CAPN1: variants seen among roughly 807,000 people sequenced by gnomAD.
CAPN1 encodes calpain 1, also known as calpain-1 catalytic subunit.
A neutral mutation model predicts 105.2 loss-of-function variants in CAPN1; 77 were observed. The observed-to-expected ratio is 0.73, with a 90% CI of 0.61 to 0.88. CAPN1 has a LOEUF of 0.88. CAPN1 is among the 40% of genes least tolerant of loss of function. CAPN1 has a pLI of 0.00. For missense variants in CAPN1, 833 were observed against 976.6 expected (o/e 0.85, Z 1.96); for synonymous variants, 355 against 388.8 (o/e 0.91, Z 1.02).
At chr11:65,207,365 A>AATTTTTGT (rs1726306312) in intron 14 of CAPN1, among the ~76,000 whole-genome samples, 1 of 151,300 alleles carries the variant, frequency 6.6e-6, no homozygotes, top group South Asian at 2.1e-4. Flanking sequence ...ACACCTGGCT[A>AATTTTTGT]ATTTTTGTAT....
intron 4 of CAPN1, among the ~76,000 whole-genome samples, chr11:65,184,996 A>G (rs145168009): frequency 6.6e-6 from 1 of 152,188 alleles, no homozygotes; most frequent in African/African-American, 2.4e-5. Flanking sequence ...ACACATGTCT[A>G]TATGTGGTAT....
chr11:65,188,278 C>A lies in CAPN1; in HGVS notation c.930-136C>A. ...CCCTGATGAGACCACCCCCTAGAAGCGGAACCTTGGCGCTTGACCTTGAGG... is the reference window on the plus strand; with the variant it reads ...CCCTGATGAGACCACCCCCTAGAAGAGGAACCTTGGCGCTTGACCTTGAGG... On this transcript the variant is annotated intron_variant, in intron 8 of 21. Coordinates refer to ENST00000279247, the MANE Select transcript of CAPN1 (RefSeq NM_005186.4). This position sits in a 1 kb window ranked among gnomAD's most constrained non-coding sequence, Gnocchi z 5.5. The A allele has an allele frequency of 1.3e-6, 1 of 788,354 alleles. No homozygotes were observed. Among genetic ancestry groups the A allele is most frequent in the Non-Finnish European group, 2.0e-6 (1 of 491,280 alleles). 48.8% of individuals were successfully genotyped at this position (788,354 alleles called of 1,614,324 possible).
rs1489349165 is a variant in CAPN1, at chr11:65,188,848, G to A, written c.1165+102G>A. The A allele has an allele frequency of 1.0e-6, 1 of 963,426 alleles. No homozygotes were observed. The highest frequency in any genetic ancestry group is 1.5e-6 in the Non-Finnish European group (1 of 655,318). The allele number at this position is 963,426 out of a possible 1,614,324, so 59.7% of individuals were successfully genotyped here. A position where few individuals can be genotyped will look rare whatever the true frequency, so the allele number is the denominator to read the frequency against. ...CCGTTTCCTCACTTGCAAGATATAG[G>A]CTGATCTCTTGAATTTGCTTTGAGG... is the stretch of plus-strand genomic sequence containing the variant. On this transcript the variant is annotated intron_variant, in intron 10 of 21. Coordinates refer to ENST00000279247, the MANE Select transcript of CAPN1 (RefSeq NM_005186.4). The surrounding 1 kb of genome is among the most constrained non-coding windows in gnomAD (Gnocchi z 5.5).
intron 4 of CAPN1, 132 bp from the exon 5 acceptor site, chr11:65,185,785 A>T: frequency 1.1e-6 from 1 of 909,866 alleles, no homozygotes; most frequent in Admixed American, 2.8e-5. Flanking sequence ...TATCTAATTT[A>T]CATGATTTAG....
rs952508001 is a variant in CAPN1 at position 65,211,608 on chromosome 11, C to A, written c.*322C>A. On this transcript the variant is annotated 3_prime_UTR_variant, in exon 22 of 22. Transcript: ENST00000279247. ...CCCAGCATCCTGATGTGTCCCCTCT[C>A]CCCACTTCAGAGGCCACCCACTCAG... The A allele has an allele frequency of 2.0e-6, 1 of 491,874 alleles. No homozygotes were observed. The highest frequency in any genetic ancestry group is 1.9e-5 in the African/African-American group (1 of 52,122). 30.5% of individuals were successfully genotyped at this position (491,874 alleles called of 1,614,324 possible).
chr11:65,185,795 G>A lies in CAPN1; in HGVS notation c.457-122G>A, dbSNP rs1948623344. On this transcript the variant is annotated intron_variant, in intron 4 of 21. Coordinates refer to ENST00000279247, the MANE Select transcript of CAPN1 (RefSeq NM_005186.4). ...GTATGTATCTAATTTACATGATTTAGTCTATGTGTATCTAGTATGTATCTG... is the reference window on the plus strand; with the variant it reads ...GTATGTATCTAATTTACATGATTTAATCTATGTGTATCTAGTATGTATCTG... 3.0e-6 allele frequency: 3 copies of A among 997,016 alleles called. No homozygotes were observed. The South Asian group carries it at 5.0e-5, about 17-fold the overall frequency. 61.8% of individuals were successfully genotyped at this position (997,016 alleles called of 1,614,324 possible).
intron 12 of CAPN1, chr11:65,205,978 T>G (rs1948950394): frequency 1.9e-6 from 1 of 539,078 alleles, no homozygotes. Flanking sequence ...ACATGAGGCT[T>G]TTCCTGCCTT....
At chr11:65,187,389 G>C (rs1213923738) in intron 7 of CAPN1, 91 bp downstream of exon 7, 2 of 855,120 alleles carry the variant, frequency 2.3e-6, no homozygotes, top group East Asian at 5.3e-5. Flanking sequence ...GCTGTGGAAG[G>C]TGCTGGCTCC....
intron 10 of CAPN1, among the ~76,000 whole-genome samples, chr11:65,190,614 T>C (rs1948704873): frequency 6.6e-6 from 1 of 152,222 alleles, no homozygotes; most frequent in Admixed American, 6.5e-5. Flanking sequence ...GATAACACAT[T>C]GAATCCATTA....
chr11:65,190,583 C>T (rs1330681400), intron 10 of CAPN1, among the ~76,000 whole-genome samples: 1 of 152,170 alleles, frequency 6.6e-6, no homozygotes, highest in African/African-American at 2.4e-5. Flanking sequence ...ACCATTCTGT[C>T]CCTGGGTCTA....
intron 4 of CAPN1, among the ~76,000 whole-genome samples, chr11:65,185,694 G>A (rs1316046845): frequency 1.3e-5 from 2 of 149,542 alleles, no homozygotes; most frequent in Non-Finnish European, 3.0e-5. Flanking sequence ...CATGCATCTA[G>A]TATGTATCTA....
chr11:65,204,911 G>A (rs1210747017), intron 11 of CAPN1, 53 bp downstream of exon 11: 15 of 1,509,492 alleles, frequency 9.9e-6, no homozygotes, highest in African/African-American at 1.4e-5. Context: ...AGGACCTGGC[G>A]CCCCCGACCC....
At position 65,182,688 on chromosome 11, in the gene CAPN1, A is replaced by G. The variant is rs2137305030; in HGVS notation, c.-1-13A>G. ...GAAGGCCTGGGTTCTGAGCAGGCCCATCTGTCCGGCAGGATGTCGGAGGAG... is the reference window on the plus strand; with the variant it reads ...GAAGGCCTGGGTTCTGAGCAGGCCCGTCTGTCCGGCAGGATGTCGGAGGAG... On this transcript the variant is annotated splice_polypyrimidine_tract_variant and intron_variant, in intron 1 of 21. Coordinates refer to ENST00000279247, the MANE Select transcript of CAPN1 (RefSeq NM_005186.4). The G allele has an allele frequency of 6.5e-7, 1 of 1,532,882 alleles. No homozygotes were observed. Among genetic ancestry groups the G allele is most frequent in the East Asian group, 2.4e-5 (1 of 42,256 alleles). The allele number at this position is 1,532,882 out of a possible 1,614,324, so 95.0% of individuals were successfully genotyped here.
chr11:65,188,805 C>A lies in CAPN1; in HGVS notation c.1165+59C>A. The A allele has an allele frequency of 1.4e-6, 2 of 1,396,800 alleles. No homozygotes were observed. The highest frequency in any genetic ancestry group is 9.8e-7 in the Non-Finnish European group (1 of 1,018,254). 86.5% of individuals were successfully genotyped at this position (1,396,800 alleles called of 1,614,324 possible). ...CCTGGCTTAGGGGCTCCAGAAGGCA[C>A]GTCATCTTACTGAGCCTCCGTTTCC... is the stretch of plus-strand genomic sequence containing the variant. On this transcript the variant is annotated intron_variant, in intron 10 of 21. Coordinates refer to ENST00000279247, the MANE Select transcript of CAPN1 (RefSeq NM_005186.4). The surrounding 1 kb of genome is among the most constrained non-coding windows in gnomAD (Gnocchi z 5.5).
In CAPN1 at chr11:65,210,260, T is replaced by TCCC. The variant is rs1949025670; in HGVS notation, c.1943-76_1943-75insCCC. ...ACCCTGCCTAGCCCCAGCCCCCTCC[T>TCCC]GGGGACCCAACCCCTCCCCCATCCT... On this transcript the variant is annotated intron_variant, in intron 19 of 21. Coordinates refer to ENST00000279247, the MANE Select transcript of CAPN1 (RefSeq NM_005186.4). This position sits in a 1 kb window ranked among gnomAD's most constrained non-coding sequence, Gnocchi z 4.3. 1.8e-5 allele frequency: 22 copies of TCCC among 1,226,760 alleles called. No individual in the cohort carries two copies. Among genetic ancestry groups the TCCC allele is most frequent in the Admixed American group, 3.8e-5 (2 of 52,524 alleles). 76.0% of individuals were successfully genotyped at this position (1,226,760 alleles called of 1,614,324 possible).
chr11:65,194,566 G>A (rs888476135), intron 10 of CAPN1, among the ~76,000 whole-genome samples: 7 of 151,600 alleles, frequency 4.6e-5, no homozygotes, highest in Non-Finnish European at 1.0e-4. Context: ...CGAAAATCCC[G>A]TAATTATTGG....
At chr11:65,204,643 C>G (rs1488872165) in intron 10 of CAPN1, 40 bp from the exon 11 acceptor site, 3 of 1,591,708 alleles carry the variant, frequency 1.9e-6, no homozygotes, top group Non-Finnish European at 2.6e-6. Flanking sequence ...TGGCTCTGCC[C>G]CGCCCTGCCT....
At chr11:65,202,633 G>A (rs1277630069) in intron 10 of CAPN1, among the ~76,000 whole-genome samples, 1 of 151,788 alleles carries the variant, frequency 6.6e-6, no homozygotes, top group African/African-American at 2.4e-5. Context: ...AGTACAGACG[G>A]GGTTTCACCA....
At chr11:65,193,962 A>ATTTTTTTTTTTTTT in intron 10 of CAPN1, among the ~76,000 whole-genome samples, 1 of 76,232 alleles carries the variant, frequency 1.3e-5, no homozygotes, top group Non-Finnish European at 2.5e-5. Context: ...CTTTGGATTG[A>ATTTTTTTTTTTTTT]TTTTTTTTTT....
Sources: allele counts gnomAD v4.1 joint callset (sites outside exome capture counted in the v4.1 genomes callset), GRCh38; gene constraint gnomAD v4.1.1; non-coding constraint Gnocchi (gnomAD v3.1); transcripts MANE v1.5; gene names NCBI Gene and HGNC (gene_info 2026-07-23, HGNC 2026-07-21).